FSTL5: variants seen among roughly 807,000 people sequenced by gnomAD.
The protein encoded by FSTL5 is follistatin like 5, also known as follistatin-related protein 5.
Under a neutral mutation model 89.1 loss-of-function variants are expected in FSTL5, and 62 were observed. That is an observed-to-expected ratio of 0.70 (90% CI 0.57 to 0.86). The LOEUF (loss-of-function observed/expected upper bound fraction) is 0.86. Ranked by LOEUF, FSTL5 falls within the 40% of genes least tolerant of loss-of-function variation. FSTL5 has a pLI of 0.00. For missense variants in FSTL5, 1,057 were observed against 1,001.6 expected (o/e 1.06, Z -0.75); for synonymous variants, 383 against 346.2 (o/e 1.11, Z -1.18).
At chr4:161,841,421 A>G (rs1731208793) in intron 4 of FSTL5, among the ~76,000 whole-genome samples, 1 of 152,146 alleles carries the variant, frequency 6.6e-6, no homozygotes. Flanking sequence ...TATTAAAATA[A>G]CTCTTCAGTC....
intron 15 of FSTL5, among the ~76,000 whole-genome samples, chr4:161,419,686 A>G (rs1477061792): frequency 6.6e-6 from 1 of 152,182 alleles, no homozygotes; most frequent in East Asian, 1.9e-4. Context: ...CACTCAGAAT[A>G]AATTGCAACT....
chr4:161,568,960 G>A (rs1046965756), intron 8 of FSTL5, among the ~76,000 whole-genome samples: 4 of 152,132 alleles, frequency 2.6e-5, no homozygotes, highest in African/African-American at 9.7e-5. Flanking sequence ...TATAAAGAGA[G>A]GCTTGTTCAA....
intron 15 of FSTL5, among the ~76,000 whole-genome samples, chr4:161,441,622 A>G (rs1732764924): frequency 1.3e-5 from 2 of 152,248 alleles, no homozygotes; most frequent in African/African-American, 4.8e-5. Context: ...AATTGTGTGA[A>G]AGACAAATTT....
At chr4:161,705,561 T>C (rs908015473) in intron 6 of FSTL5, among the ~76,000 whole-genome samples, 1 of 151,980 alleles carries the variant, frequency 6.6e-6, no homozygotes, top group African/African-American at 2.4e-5. Flanking sequence ...TTTTTTTCTT[T>C]TTTGCTTAAA....
chr4:161,790,541 A>C (rs1329571635), intron 4 of FSTL5, among the ~76,000 whole-genome samples: 1 of 152,200 alleles, frequency 6.6e-6, no homozygotes, highest in East Asian at 1.9e-4. Context: ...AAAGCTTTTT[A>C]TTATGAATTC....
chr4:161,430,775 A>G (rs1732335187), intron 15 of FSTL5, among the ~76,000 whole-genome samples: 1 of 152,098 alleles, frequency 6.6e-6, no homozygotes, highest in Admixed American at 6.5e-5. Flanking sequence ...CCAACTCCCA[A>G]AGGAAAAGGA....
At chr4:161,802,005 A>T (rs914587817) in intron 4 of FSTL5, among the ~76,000 whole-genome samples, 2 of 151,714 alleles carry the variant, frequency 1.3e-5, no homozygotes, top group Non-Finnish European at 3.0e-5. Flanking sequence ...GGATAGAATT[A>T]TTCAGTCATT....
At chr4:161,540,247 G>A (rs1731774673) in intron 9 of FSTL5, among the ~76,000 whole-genome samples, 1 of 152,100 alleles carries the variant, frequency 6.6e-6, no homozygotes, top group African/African-American at 2.4e-5. Context: ...GCATAAGCGA[G>A]TTTATAATTT....
intron 12 of FSTL5, among the ~76,000 whole-genome samples, chr4:161,498,027 G>A (rs1036662052): frequency 1.3e-5 from 2 of 151,158 alleles, no homozygotes; most frequent in African/African-American, 4.9e-5. Context: ...TATACATAGA[G>A]ACCTGGATAC....
chr4:161,683,542 A>C (rs1228383331), intron 6 of FSTL5, among the ~76,000 whole-genome samples: 1 of 152,106 alleles, frequency 6.6e-6, no homozygotes, highest in Non-Finnish European at 1.5e-5. Context: ...GAAAAAAACA[A>C]AAATAAAACT....
At chr4:161,483,703 G>A (rs561585093) in intron 12 of FSTL5, among the ~76,000 whole-genome samples, 36 of 152,206 alleles carry the variant, frequency 2.4e-4, no homozygotes, top group African/African-American at 8.7e-4. Context: ...AAGAAAAATA[G>A]TAGAGGAATG....
At chr4:161,951,499 C>T (rs980232297) in intron 3 of FSTL5, among the ~76,000 whole-genome samples, 3 of 152,086 alleles carry the variant, frequency 2.0e-5, no homozygotes, top group East Asian at 1.9e-4. Context: ...GATATAGTCA[C>T]TTCTCTGTCT....
At chr4:162,035,908 G>A (rs1460067161) in intron 2 of FSTL5, among the ~76,000 whole-genome samples, 2 of 152,030 alleles carry the variant, frequency 1.3e-5, no homozygotes, top group Non-Finnish European at 2.9e-5. Flanking sequence ...ATGACTCCAA[G>A]GGTCTGAGCT....
intron 8 of FSTL5, among the ~76,000 whole-genome samples, chr4:161,574,666 T>A (rs531781173): frequency 5.9e-4 from 90 of 152,312 alleles, no homozygotes; most frequent in African/African-American, 1.7e-3. Context: ...TCCAGCTTCA[T>A]CCATGTCCCT....
chr4:161,412,152 C>T (rs1035906077), intron 15 of FSTL5, among the ~76,000 whole-genome samples: 2 of 151,920 alleles, frequency 1.3e-5, no homozygotes, highest in Non-Finnish European at 2.9e-5. Context: ...AAGACCTCTA[C>T]AAAGAGAACT....
intron 3 of FSTL5, among the ~76,000 whole-genome samples, chr4:161,952,041 TTGATATAATA>T (rs1455785332): frequency 2.0e-5 from 3 of 152,020 alleles, no homozygotes; most frequent in Non-Finnish European, 4.4e-5. Flanking sequence ...TATAAGTATC[TTGATATAATA>T]TGATTAAAAA....
chr4:162,006,191 T>C (rs1009730016), intron 3 of FSTL5, among the ~76,000 whole-genome samples: 1 of 152,066 alleles, frequency 6.6e-6, no homozygotes, highest in Non-Finnish European at 1.5e-5. Flanking sequence ...GCTTATGCTT[T>C]ATACTTGTTT....
At chr4:161,469,644 T>A (rs886103102) in intron 13 of FSTL5, among the ~76,000 whole-genome samples, 13 of 151,624 alleles carry the variant, frequency 8.6e-5, no homozygotes, top group South Asian at 2.1e-4. Context: ...TTATCTATTT[T>A]TTTTTTTTTT....
In FSTL5 at chr4:161,500,012, T is replaced by C; in HGVS notation, c.1458+4A>G. The stretch of plus-strand genomic sequence containing the variant: ...AACGTCAAAGGAACTTTTTAGATAC[T>C]TGCCTGAAATCCAAGGAGCTTTTCA... On this transcript the variant is annotated splice_donor_region_variant and intron_variant, in intron 12 of 15. Coordinates refer to ENST00000306100, the MANE Select transcript of FSTL5 (RefSeq NM_020116.5). 6.4e-7 allele frequency: 1 copy of C among 1,551,210 alleles called. No homozygotes were observed. The highest frequency in any genetic ancestry group is 1.1e-5 in the South Asian group (1 of 87,562).
Sources: allele counts gnomAD v4.1 joint callset (sites outside exome capture counted in the v4.1 genomes callset), GRCh38; gene constraint gnomAD v4.1.1; transcripts MANE v1.5; gene names NCBI Gene and HGNC (gene_info 2026-07-23, HGNC 2026-07-21).